The following ZSWIM5 variants were observed in gnomAD, a reference collection of about 807,000 sequenced individuals.
ZSWIM5 encodes zinc finger SWIM-type containing 5.
Under a neutral mutation model 119.6 loss-of-function variants are expected in ZSWIM5, and 55 were observed. The observed-to-expected ratio is 0.46, with a 90% CI of 0.37 to 0.58. The LOEUF is 0.58. ZSWIM5 is among the 20% of genes least tolerant of loss of function. ZSWIM5 has a pLI of 0.00. For missense variants in ZSWIM5, 1,193 were observed against 1,512.8 expected, an observed-to-expected ratio of 0.79 and a Z score of 3.51; for synonymous variants, 537 against 606.9, an observed-to-expected ratio of 0.88 and a Z score of 1.69.
intron 2 of ZSWIM5, among the ~76,000 whole-genome samples, chr1:45,084,863 T>A (rs1380307239): frequency 2.0e-5 from 3 of 152,196 alleles, no homozygotes; most frequent in African/African-American, 7.2e-5. Flanking sequence ...AGGTGCACAG[T>A]ATAAGCTGTT....
intron 1 of ZSWIM5, among the ~76,000 whole-genome samples, chr1:45,096,434 T>TGTGTGTG (rs1645402180): frequency 1.4e-5 from 2 of 144,458 alleles, no homozygotes; most frequent in Admixed American, 6.8e-5. Context: ...AGATAACTGT[T>TGTGTGTG]TGTGTGTGTG....
chr1:45,080,222 G>A (rs933053552), intron 2 of ZSWIM5, among the ~76,000 whole-genome samples: 4 of 152,144 alleles, frequency 2.6e-5, no homozygotes, highest in African/African-American at 4.8e-5. Context: ...CAGTCCTTGC[G>A]GCCTAGACTG....
At chr1:45,147,146 C>T (rs1645766806) in intron 1 of ZSWIM5, among the ~76,000 whole-genome samples, 1 of 151,322 alleles carries the variant, frequency 6.6e-6, no homozygotes, top group Non-Finnish European at 1.5e-5. Flanking sequence ...ACAATATTGG[C>T]TCACTGCAAC....
chr1:45,115,438 G>C (rs1268460982), intron 1 of ZSWIM5, among the ~76,000 whole-genome samples: 1 of 150,862 alleles, frequency 6.6e-6, no homozygotes, highest in Non-Finnish European at 1.5e-5. Context: ...GCCGGGCAGA[G>C]ACGCTCCTCA....
chr1:45,060,718 C>T (rs1479379685), intron 2 of ZSWIM5, among the ~76,000 whole-genome samples: 1 of 152,158 alleles, frequency 6.6e-6, no homozygotes, highest in Non-Finnish European at 1.5e-5. Context: ...GTCACCCAGG[C>T]TGCTGGAGTG....
intron 1 of ZSWIM5, among the ~76,000 whole-genome samples, chr1:45,169,845 A>C (rs1187581697): frequency 6.6e-6 from 1 of 152,148 alleles, no homozygotes; most frequent in Non-Finnish European, 1.5e-5. Flanking sequence ...CACTTAATAC[A>C]CAGCATGCAC....
chr1:45,070,233 T>A, intron 2 of ZSWIM5: 1 of 1,459,930 alleles, frequency 6.8e-7, no homozygotes, highest in Non-Finnish European at 9.6e-7. Context: ...CTGATGCCCA[T>A]GTTCATCAGT....
rs1644869900 is a variant in ZSWIM5, at chr1:45,018,716, T to C, written c.3296A>G (p.Lys1099Arg). Residue 1099 changes from lysine (K) to arginine (R), a missense_variant, in exon 14 of 14, where the codon AAG becomes AGG. Physicochemically the swap from Lys to Arg is conservative, Grantham distance 26 (BLOSUM62 2). Around this residue, in one of 2 missense-constraint regions of ZSWIM5, gnomAD observed 961 missense variants for 1,290.0 expected, o/e 0.74. Transcript: ENST00000359600. This position sits in a 1 kb window ranked among gnomAD's most constrained non-coding sequence, Gnocchi z 6.7. ...AGIPGRRSSG[K>R]LMSTDKAPLR... is the part of the protein sequence containing the mutation. ...TGGAGCTTTGTCAGTGGACATGAGC[T>C]TTCCAGAGCTTCGGCGGCCTGGGAT... is the stretch of plus-strand genomic sequence containing the variant. 2 of 1,614,134 alleles carry C rather than the reference T, an allele frequency of 1.2e-6. No homozygotes were observed. Among genetic ancestry groups the C allele is most frequent in the African/African-American group, 2.7e-5 (2 of 74,946 alleles).
chr1:45,105,232 G>A (rs1272209515), intron 1 of ZSWIM5, among the ~76,000 whole-genome samples: 11 of 152,276 alleles, frequency 7.2e-5, no homozygotes, highest in South Asian at 6.2e-4. Context: ...GATTGCAGAC[G>A]GAGTCTCGCT....
At chr1:45,196,825 A>G (rs981500431) in intron 1 of ZSWIM5, among the ~76,000 whole-genome samples, 4 of 152,208 alleles carry the variant, frequency 2.6e-5, no homozygotes, top group Admixed American at 1.3e-4. Flanking sequence ...AGTCATTAAC[A>G]TTTCCATCAC....
chr1:45,084,034 C>T (rs111441227), intron 2 of ZSWIM5, among the ~76,000 whole-genome samples: 2,295 of 152,236 alleles, frequency 0.015, 77 homozygotes, highest in African/African-American at 0.053. Flanking sequence ...CTCAGCCTCC[C>T]GAGTAGTAGG....
intron 5 of ZSWIM5, among the ~76,000 whole-genome samples, chr1:45,044,806 T>TATATATATATAA (rs1645042715): frequency 2.0e-4 from 2 of 9,962 alleles, no homozygotes; most frequent in East Asian, 4.0e-3. Flanking sequence ...TATATATAAA[T>TATATATATATAA]ATATATATAT....
chr1:45,172,641 T>C lies in ZSWIM5; in HGVS notation c.595+33115A>G, dbSNP rs74070891. 4.7e-3 allele frequency among the ~76,000 whole-genome samples: 715 copies of C among 152,164 alleles called. 7 individuals are homozygous for C. Among genetic ancestry groups the C allele is most frequent in the African/African-American group, 0.015 (629 of 41,548 alleles). On this transcript the variant is annotated intron_variant, in intron 1 of 13. Transcript: ENST00000359600. ...ATTTTAATAGGTGCCTCAGATACAC[T>C]ACCTCTTGCAGCTGAACTCTTTGGG...
At chr1:45,106,764 C>T (rs528203078) in intron 1 of ZSWIM5, among the ~76,000 whole-genome samples, 3 of 151,938 alleles carry the variant, frequency 2.0e-5, no homozygotes, top group East Asian at 1.9e-4. Flanking sequence ...GCGGTTTTGT[C>T]GAAAAGAAAA....
chr1:45,180,500 G>T (rs902355569), intron 1 of ZSWIM5, among the ~76,000 whole-genome samples: 4 of 152,188 alleles, frequency 2.6e-5, no homozygotes, highest in African/African-American at 9.6e-5. Context: ...ACCTCTGGGG[G>T]CAGGGCACAG....
intron 6 of ZSWIM5, among the ~76,000 whole-genome samples, chr1:45,040,767 G>C (rs909072688): frequency 1.3e-5 from 2 of 152,138 alleles, no homozygotes; most frequent in African/African-American, 4.8e-5. Flanking sequence ...GGTGTAGAAA[G>C]GGACACACAA....
At chr1:45,077,751 G>A (rs528533598) in intron 2 of ZSWIM5, among the ~76,000 whole-genome samples, 12 of 151,852 alleles carry the variant, frequency 7.9e-5, no homozygotes, top group African/African-American at 2.7e-4. Flanking sequence ...GGTACGCCCC[G>A]GGGGGGCCAG....
In ZSWIM5 at chr1:45,111,806, T is replaced by G. The variant is rs903446933; in HGVS notation, c.596-23569A>C. On this transcript the variant is annotated intron_variant, in intron 1 of 13. Transcript: ENST00000359600. ...CCTGCCCAGATAATCCGGGTAAATA[T>G]CTCTGTATCAAAGTCAGCTAATTAG... is the stretch of plus-strand genomic sequence containing the variant. Among the ~76,000 whole-genome samples, 4 of 152,270 alleles carry G rather than the reference T, an allele frequency of 2.6e-5. No individual in the cohort carries two copies. The East Asian group carries it at 7.7e-4, about 29-fold the overall frequency.
intron 2 of ZSWIM5, 45 bp from the exon 3 acceptor site, chr1:45,060,292 GCT>G: frequency 6.3e-7 from 1 of 1,596,486 alleles, no homozygotes; most frequent in Non-Finnish European, 8.5e-7. Flanking sequence ...GAGTTCACAT[GCT>G]ACACATTCAG....
Sources: allele counts gnomAD v4.1 joint callset (sites outside exome capture counted in the v4.1 genomes callset), GRCh38; gene constraint gnomAD v4.1.1; regional missense constraint gnomAD v4.1.1; non-coding constraint Gnocchi (gnomAD v3.1); transcripts MANE v1.5; gene names NCBI Gene and HGNC (gene_info 2026-07-23, HGNC 2026-07-21).